NRG3: variants seen among roughly 807,000 people sequenced by gnomAD.
NRG3 encodes the protein pro-neuregulin-3, membrane-bound isoform.
NRG3 carries 31 observed loss-of-function variants against 66.9 expected under a neutral mutation model. The observed-to-expected ratio is 0.46, with a 90% CI of 0.35 to 0.63. The LOEUF (loss-of-function observed/expected upper bound fraction) is 0.63, where lower values mean the gene tolerates loss of function less well. NRG3 is among the 20% of genes least tolerant of loss of function. The pLI, the probability that NRG3 is intolerant of heterozygous loss-of-function variation, is 0.00. For synonymous variants in NRG3, 393 were observed against 359.4 expected (o/e 1.09, Z -1.06); for missense variants, 910 against 878.9 (o/e 1.04, Z -0.45).
intron 1 of NRG3, among the ~76,000 whole-genome samples, chr10:82,004,182 T>G (rs2061291349): frequency 6.6e-6 from 1 of 152,128 alleles, no homozygotes; most frequent in South Asian, 2.1e-4. Context: ...AGGTAAGAAT[T>G]TTATTTTTGT....
At chr10:82,577,831 T>C (rs949701822) in intron 2 of NRG3, among the ~76,000 whole-genome samples, 5 of 151,856 alleles carry the variant, frequency 3.3e-5, no homozygotes, top group Non-Finnish European at 7.4e-5. Context: ...GTCATATTTA[T>C]AGGTTTTCTT....
chr10:82,348,166 T>C (rs1019002761), intron 1 of NRG3, among the ~76,000 whole-genome samples: 2 of 152,216 alleles, frequency 1.3e-5, no homozygotes, highest in Non-Finnish European at 2.9e-5. Flanking sequence ...CTAGCCTCGA[T>C]GGTCTTTACA....
intron 2 of NRG3, among the ~76,000 whole-genome samples, chr10:82,623,835 T>A (rs1315078440): frequency 2.6e-5 from 4 of 152,182 alleles, no homozygotes; most frequent in Admixed American, 2.6e-4. Flanking sequence ...ACTCATTCTA[T>A]GCCCCTAGTC....
intron 1 of NRG3, among the ~76,000 whole-genome samples, chr10:82,020,167 G>A (rs1490762036): frequency 1.3e-5 from 2 of 152,090 alleles, no homozygotes; most frequent in Non-Finnish European, 2.9e-5. Flanking sequence ...ATAGGAAAAA[G>A]TTATAAATTG....
chr10:82,809,214 T>C (rs1416185326), intron 3 of NRG3, among the ~76,000 whole-genome samples: 1 of 152,134 alleles, frequency 6.6e-6, no homozygotes, highest in Non-Finnish European at 1.5e-5. Flanking sequence ...CTAGTGACTG[T>C]GTATGCAATT....
intron 2 of NRG3, among the ~76,000 whole-genome samples, chr10:82,616,456 A>T (rs528575061): frequency 6.6e-6 from 1 of 152,288 alleles, no homozygotes; most frequent in African/African-American, 2.4e-5. Flanking sequence ...GTAATGGTGT[A>T]AGCACTTTTT....
At chr10:82,128,153 T>TCCCA (rs2068575148) in intron 1 of NRG3, among the ~76,000 whole-genome samples, 1 of 151,960 alleles carries the variant, frequency 6.6e-6, no homozygotes, top group Non-Finnish European at 1.5e-5. Flanking sequence ...ATAAAATGTG[T>TCCCA]GCTGGGACAC....
At chr10:82,196,325 G>A (rs1185613634) in intron 1 of NRG3, among the ~76,000 whole-genome samples, 1 of 152,140 alleles carries the variant, frequency 6.6e-6, no homozygotes, top group Non-Finnish European at 1.5e-5. Flanking sequence ...TACATTAGAA[G>A]GAGATGTAAG....
At chr10:82,533,361 G>A (rs2132668239) in intron 2 of NRG3, among the ~76,000 whole-genome samples, 1 of 151,796 alleles carries the variant, frequency 6.6e-6, no homozygotes, top group South Asian at 2.1e-4. Context: ...TGAAAATACT[G>A]GCAAAAACAA....
intron 2 of NRG3, among the ~76,000 whole-genome samples, chr10:82,454,263 G>A (rs1038617303): frequency 6.6e-6 from 1 of 152,116 alleles, no homozygotes; most frequent in East Asian, 1.9e-4. Flanking sequence ...GCATAAAGTT[G>A]TTTGCTATGT....
At chr10:82,475,693 A>C (rs955115412) in intron 2 of NRG3, among the ~76,000 whole-genome samples, 1 of 152,200 alleles carries the variant, frequency 6.6e-6, no homozygotes, top group Admixed American at 6.5e-5. Context: ...CAATTAACTG[A>C]AAGTGGATCA....
In NRG3 at chr10:82,659,580, G is replaced by A. The variant is rs920476178; in HGVS notation, c.954-78997G>A. ...GAATAACTTGAACATGGGGGTGAAG[G>A]TTGCAGAGAGCCAAGATCGTGCCAC... On this transcript the variant is annotated intron_variant, in intron 2 of 8. Transcript: ENST00000372141. Among the ~76,000 whole-genome samples the A allele has an allele frequency of 1.8e-4, 27 of 152,160 alleles. 1 individual carries two copies. Among genetic ancestry groups the A allele is most frequent in the Admixed American group, 1.8e-3 (27 of 15,280 alleles).
intron 1 of NRG3, among the ~76,000 whole-genome samples, chr10:81,934,908 C>G (rs938803962): frequency 2.0e-5 from 3 of 152,198 alleles, no homozygotes; most frequent in Admixed American, 6.5e-5. Context: ...CTATTCCTAT[C>G]TCCCCAGGGC....
Position 82,332,540 on chromosome 10 carries a change from T to C in NRG3, c.824-26199T>C, listed in dbSNP as rs1589747854. On this transcript the variant is annotated intron_variant, in intron 1 of 8. Transcript: ENST00000372141. The stretch of plus-strand genomic sequence containing the variant: ...CCCATGATCAGCCGCTGACCCAACC[T>C]GTGCTTGCATACTTGTAATAATGGG... 2.6e-5 allele frequency among the ~76,000 whole-genome samples: 4 copies of C among 152,190 alleles called. No individual in the cohort carries two copies. The East Asian group carries it at 7.7e-4, about 29-fold the overall frequency.
chr10:82,480,937 C>T (rs1842219052), intron 2 of NRG3, among the ~76,000 whole-genome samples: 1 of 152,222 alleles, frequency 6.6e-6, no homozygotes, highest in South Asian at 2.1e-4. Flanking sequence ...ATTTGGCTAA[C>T]ATCCTGACTT....
chr10:82,197,031 G>T (rs548942904), intron 1 of NRG3, among the ~76,000 whole-genome samples: 59 of 152,248 alleles, frequency 3.9e-4, no homozygotes, highest in Non-Finnish European at 7.9e-4. Flanking sequence ...GTCCATAAAC[G>T]CAGTGTACAT....
At chr10:81,995,492 A>G (rs1030556813) in intron 1 of NRG3, among the ~76,000 whole-genome samples, 3 of 152,112 alleles carry the variant, frequency 2.0e-5, no homozygotes, top group Admixed American at 6.6e-5. Context: ...TTTAGCTTTT[A>G]TGCTGGCTGT....
At chr10:82,665,072 T>C (rs533417958) in intron 2 of NRG3, among the ~76,000 whole-genome samples, 3 of 152,288 alleles carry the variant, frequency 2.0e-5, no homozygotes, top group South Asian at 2.1e-4. Context: ...TTCAGCTCCA[T>C]ATTTGATGAA....
Position 82,897,812 on chromosome 10 carries a change from G to A in NRG3, c.1054+32375G>A, listed in dbSNP as rs559173844. Among the ~76,000 whole-genome samples the A allele has an allele frequency of 5.4e-4, 82 of 152,290 alleles. No individual in the cohort carries two copies. In the South Asian group the frequency reaches 9.3e-3, roughly 17 times the overall value. ...CGGGATTACAGGCATAAGCCACTGC[G>A]CCCTGCTAGAACTAGCATGTCTTAA... On this transcript the variant is annotated intron_variant, in intron 4 of 8. Transcript: ENST00000372141.
Sources: allele counts gnomAD v4.1 joint callset (sites outside exome capture counted in the v4.1 genomes callset), GRCh38; gene constraint gnomAD v4.1.1; transcripts MANE v1.5; gene names NCBI Gene and HGNC (gene_info 2026-07-23, HGNC 2026-07-21).